The following UQCC1 variants were observed in gnomAD, a reference collection of about 807,000 sequenced individuals.
UQCC1 encodes ubiquinol-cytochrome c reductase complex assembly factor 1.
UQCC1 carries 38 observed loss-of-function variants against 48.0 expected under a neutral mutation model. The ratio of observed to expected loss-of-function variants is 0.79; its 90% confidence interval spans 0.61 to 1.04. UQCC1 has a LOEUF of 1.04. Ranked by LOEUF, UQCC1 falls within the 50% of genes least tolerant of loss-of-function variation. The pLI is 0.00. For missense variants in UQCC1, 368 were observed against 381.8 expected (o/e 0.96, Z 0.30); for synonymous variants, 111 against 129.2 (o/e 0.86, Z 0.95).
chr20:35,366,632 G>T lies in UQCC1; in HGVS notation c.407-18C>A. On this transcript the variant is annotated intron_variant, in intron 5 of 9. Coordinates refer to ENST00000374385, the MANE Select transcript of UQCC1 (RefSeq NM_018244.5). The stretch of plus-strand genomic sequence containing the variant: ...CTGACACCCTAGAAAATAACAATAA[G>T]GTATAAGTATGTGAGGGTTTAAAGG... 5 of 1,607,344 alleles carry T rather than the reference G, an allele frequency of 3.1e-6. No individual in the cohort carries two copies. Among genetic ancestry groups the T allele is most frequent in the Non-Finnish European group, 4.3e-6 (5 of 1,174,192 alleles).
chr20:35,363,384 CA>C (rs1478598196), intron 6 of UQCC1, among the ~76,000 whole-genome samples: 1 of 152,142 alleles, frequency 6.6e-6, no homozygotes, highest in East Asian at 1.9e-4. Context: ...CAGCCACAGT[CA>C]ATACTAATCT....
chr20:35,359,702 C>T (rs2061585066), intron 6 of UQCC1, among the ~76,000 whole-genome samples: 1 of 152,164 alleles, frequency 6.6e-6, no homozygotes, highest in South Asian at 2.1e-4. Context: ...ACTCTGGCTG[C>T]TATGAAGGAA....
intron 1 of UQCC1, among the ~76,000 whole-genome samples, chr20:35,394,627 C>T (rs1284551334): frequency 1.3e-5 from 2 of 152,140 alleles, no homozygotes; most frequent in African/African-American, 2.4e-5. Flanking sequence ...GTTCAGAGAA[C>T]TTCCGGTAAA....
chr20:35,395,669 C>T (rs1191372012), intron 1 of UQCC1, among the ~76,000 whole-genome samples: 11 of 152,112 alleles, frequency 7.2e-5, no homozygotes, highest in Non-Finnish European at 1.5e-5. Flanking sequence ...TCTAATTCCA[C>T]AGGGACAGAA....
rs935977113 is a variant in UQCC1 at position 35,384,139 on chromosome 20, G to C, written c.130-6C>G. On this transcript the variant is annotated splice_polypyrimidine_tract_variant and splice_region_variant and intron_variant, in intron 2 of 9. Transcript: ENST00000374385. The stretch of plus-strand genomic sequence containing the variant: ...GACTGGCTCATCTGGGGCCACTGAA[G>C]AATAAAAACACAGATCTATGCAACA... 2 of 1,608,864 alleles carry C rather than the reference G, an allele frequency of 1.2e-6. No individual in the cohort carries two copies. Among genetic ancestry groups the C allele is most frequent in the South Asian group, 2.2e-5 (2 of 91,012 alleles).
intron 7 of UQCC1, chr20:35,346,002 C>T (rs1302185631): frequency 1.3e-5 from 2 of 152,190 alleles, no homozygotes; most frequent in Non-Finnish European, 1.5e-5. Context: ...GAGGTGAAGC[C>T]AGCTGGGCTT....
chr20:35,314,656 C>T (rs368768333), intron 8 of UQCC1, 32 bp downstream of exon 8: 466 of 1,566,126 alleles, frequency 3.0e-4, no homozygotes, highest in Non-Finnish European at 3.6e-4. Flanking sequence ...GGGAGGCCAC[C>T]GTCCTGCCTA....
At chr20:35,404,014 G>A (rs1467189674) in intron 1 of UQCC1, among the ~76,000 whole-genome samples, 1 of 152,084 alleles carries the variant, frequency 6.6e-6, no homozygotes, top group South Asian at 2.1e-4. Flanking sequence ...GAGGAGGGCG[G>A]ATCACAAGGT....
chr20:35,371,839 G>A (rs1479167639), intron 5 of UQCC1, among the ~76,000 whole-genome samples: 3 of 151,656 alleles, frequency 2.0e-5, no homozygotes, highest in Admixed American at 6.6e-5. Context: ...GTGAGACCCT[G>A]TCTCTACAAA....
chr20:35,358,438 TAAA>T (rs11167266), intron 6 of UQCC1, among the ~76,000 whole-genome samples: 1 of 148,638 alleles, frequency 6.7e-6, no homozygotes, highest in Non-Finnish European at 1.5e-5. Flanking sequence ...AAAATAAACT[TAAA>T]AAAATCTTGT....
At chr20:35,410,490 C>G (rs1210746041) in intron 1 of UQCC1, among the ~76,000 whole-genome samples, 1 of 150,270 alleles carries the variant, frequency 6.7e-6, no homozygotes, top group Non-Finnish European at 1.5e-5. Context: ...CGAGATCACA[C>G]CGCTGAACTC....
intron 2 of UQCC1, chr20:35,384,687 G>A (rs2061917579): frequency 6.7e-6 from 3 of 445,542 alleles, no homozygotes; most frequent in Admixed American, 4.9e-5. Context: ...TGAATTCAAA[G>A]GCCAGGTGGC....
chr20:35,367,103 AAAAAAAC>A (rs1906571106), intron 5 of UQCC1, among the ~76,000 whole-genome samples: 1 of 150,578 alleles, frequency 6.6e-6, no homozygotes, highest in Admixed American at 6.6e-5. Context: ...AAAAAAAAAA[AAAAAAAC>A]AAACAAAAAA....
chr20:35,384,621 G>T (rs115141703), intron 2 of UQCC1: 3 of 444,614 alleles, frequency 6.7e-6, no homozygotes, highest in Non-Finnish European at 1.3e-5. Context: ...CAACCTGGGC[G>T]ACTCAGCAAG....
chr20:35,411,736 T>C lies in UQCC1; in HGVS notation c.24+204A>G, dbSNP rs117120850. On this transcript the variant is annotated intron_variant, in intron 1 of 9. Coordinates refer to ENST00000374385, the MANE Select transcript of UQCC1 (RefSeq NM_018244.5). The stretch of plus-strand genomic sequence containing the variant: ...AAAGGCCAGATGTCAGTCTTCCCCT[T>C]CTCGAAAGATGGGGGAGCTAAGGTC... Among the ~76,000 whole-genome samples the C allele has an allele frequency of 6.8e-3, 1,037 of 152,114 alleles. 10 individuals are homozygous for C. Among genetic ancestry groups the C allele is most frequent in the East Asian group, 0.04 (205 of 5,168 alleles).
At chr20:35,334,676 G>T (rs909887077) in intron 7 of UQCC1, among the ~76,000 whole-genome samples, 1 of 152,150 alleles carries the variant, frequency 6.6e-6, no homozygotes, top group South Asian at 2.1e-4. Context: ...AATCATCCTT[G>T]TATCTCCAGT....
intron 4 of UQCC1, among the ~76,000 whole-genome samples, chr20:35,377,898 C>T (rs562221204): frequency 6.6e-6 from 1 of 152,194 alleles, no homozygotes; most frequent in Non-Finnish European, 1.5e-5. Context: ...CATGCTATGG[C>T]AATCAGGAGC....
intron 5 of UQCC1, among the ~76,000 whole-genome samples, chr20:35,370,397 C>T (rs1464895602): frequency 6.6e-6 from 1 of 151,894 alleles, no homozygotes; most frequent in Admixed American, 6.6e-5. Context: ...ATCCAAGCCA[C>T]AGGAAAGTCA....
intron 7 of UQCC1, among the ~76,000 whole-genome samples, chr20:35,324,591 G>A (rs891300407): frequency 1.3e-5 from 2 of 152,234 alleles, no homozygotes; most frequent in Admixed American, 1.3e-4. Context: ...CTCCCAAAGT[G>A]CTGGGATTAC....
Sources: allele counts gnomAD v4.1 joint callset (sites outside exome capture counted in the v4.1 genomes callset), GRCh38; gene constraint gnomAD v4.1.1; transcripts MANE v1.5; gene names NCBI Gene and HGNC (gene_info 2026-07-23, HGNC 2026-07-21).